Variants in REDIC1 observed in about 807,000 individuals in gnomAD.
REDIC1 encodes the protein HEI10 Interacting Protein 1.
At chr12:39,850,264 T>C in the REDIC1 span, among the ~76,000 whole-genome samples, 1 of 152,192 alleles carries the variant, frequency 6.6e-6, no homozygotes, top group Admixed American at 6.5e-5. Flanking sequence ...AGTTTTTCTA[T>C]TGTATTGATA....
chr12:39,750,590 G>T, the REDIC1 span, among the ~76,000 whole-genome samples: 1 of 152,190 alleles, frequency 6.6e-6, no homozygotes, highest in African/African-American at 2.4e-5. Flanking sequence ...CCAAAAAAGA[G>T]CCCGCATTGC....
At chr12:39,835,182 T>A in the REDIC1 span, among the ~76,000 whole-genome samples, 20 of 152,074 alleles carry the variant, frequency 1.3e-4, no homozygotes, top group Non-Finnish European at 2.8e-4. Context: ...TTTGTCCCCT[T>A]CCACAGTGTG....
the REDIC1 span, among the ~76,000 whole-genome samples, chr12:39,751,184 A>C: frequency 6.6e-6 from 1 of 152,262 alleles, no homozygotes; most frequent in Non-Finnish European, 1.5e-5. Flanking sequence ...GCTAATATCC[A>C]GAATGTACAA....
At chr12:39,721,231 G>A in the REDIC1 span, 527 of 1,612,798 alleles carry the variant, frequency 3.3e-4, no homozygotes, top group African/African-American at 6.2e-3. Flanking sequence ...TGGAGGGCAG[G>A]AAATCCATAA....
the REDIC1 span, among the ~76,000 whole-genome samples, chr12:39,814,641 T>C: frequency 6.6e-6 from 1 of 152,166 alleles, no homozygotes; most frequent in Admixed American, 6.5e-5. Context: ...AGGAAAAACA[T>C]AAATTGCTGT....
At chr12:39,667,851 T>G in the REDIC1 span, among the ~76,000 whole-genome samples, 280 of 152,224 alleles carry the variant, frequency 1.8e-3, no homozygotes, top group African/African-American at 6.0e-3. Context: ...GATCTTTGTT[T>G]GTTCAAAGTC....
the REDIC1 span, among the ~76,000 whole-genome samples, chr12:39,658,152 C>T: frequency 1.3e-5 from 2 of 151,598 alleles, no homozygotes; most frequent in Non-Finnish European, 2.9e-5. Context: ...GTGATGTTGG[C>T]TCACTGCAAC....
At chr12:39,664,607 G>T in the REDIC1 span, among the ~76,000 whole-genome samples, 1 of 152,010 alleles carries the variant, frequency 6.6e-6, no homozygotes, top group Admixed American at 6.6e-5. Context: ...GGGATTGCTG[G>T]GTCAAATGGT....
the REDIC1 span, among the ~76,000 whole-genome samples, chr12:39,726,344 G>C: frequency 6.6e-6 from 1 of 152,008 alleles, no homozygotes; most frequent in African/African-American, 2.4e-5. Flanking sequence ...TCCAGTGTGT[G>C]ATGTTCCCCT....
At chr12:39,896,517 T>C in the REDIC1 span, among the ~76,000 whole-genome samples, 10 of 139,050 alleles carry the variant, frequency 7.2e-5, no homozygotes, top group Non-Finnish European at 1.4e-4. Context: ...TACATGTGTG[T>C]ATACATGTAT....
chr12:39,858,928 G>A, the REDIC1 span, among the ~76,000 whole-genome samples: 284 of 152,238 alleles, frequency 1.9e-3, 3 homozygotes, highest in African/African-American at 6.4e-3. Flanking sequence ...TTCTAAGGTT[G>A]CATAAAAGTT....
chr12:39,792,699 C>A, the REDIC1 span, among the ~76,000 whole-genome samples: 93 of 152,124 alleles, frequency 6.1e-4, no homozygotes, highest in African/African-American at 2.1e-3. Flanking sequence ...GATATAGATA[C>A]CAAAGTATAT....
chr12:39,710,537 C>A, the REDIC1 span, among the ~76,000 whole-genome samples: 3 of 151,716 alleles, frequency 2.0e-5, no homozygotes, highest in Non-Finnish European at 4.4e-5. Context: ...CTAAAATGTA[C>A]CTCCATTAAT....
chr12:39,674,556 A>G, the REDIC1 span, among the ~76,000 whole-genome samples: 1 of 151,998 alleles, frequency 6.6e-6, no homozygotes. Flanking sequence ...GAGACAGCCA[A>G]AAAATTCAGT....
the REDIC1 span, among the ~76,000 whole-genome samples, chr12:39,820,478 G>T: frequency 1.3e-5 from 2 of 152,058 alleles, no homozygotes; most frequent in South Asian, 4.1e-4. Flanking sequence ...AACCCAGATC[G>T]CATGTAGTGG....
At chr12:39,674,727 C>T in the REDIC1 span, among the ~76,000 whole-genome samples, 3 of 152,114 alleles carry the variant, frequency 2.0e-5, no homozygotes, top group Non-Finnish European at 2.9e-5. Context: ...TGGAAGAGCC[C>T]TGTAGACACT....
the REDIC1 span, among the ~76,000 whole-genome samples, chr12:39,653,558 T>TTTTC: frequency 9.1e-5 from 4 of 43,842 alleles, no homozygotes; most frequent in African/African-American, 2.7e-4. Context: ...CTTCTTCTTC[T>TTTTC]TTCTTCTTCT....
the REDIC1 span, among the ~76,000 whole-genome samples, chr12:39,635,723 C>T: frequency 6.6e-6 from 1 of 152,010 alleles, no homozygotes; most frequent in Middle Eastern, 3.2e-3. Context: ...AGGAAACCAA[C>T]ATGGCACGTG....
At chr12:39,765,083 T>C in the REDIC1 span, among the ~76,000 whole-genome samples, 1 of 152,100 alleles carries the variant, frequency 6.6e-6, no homozygotes, top group Non-Finnish European at 1.5e-5. Flanking sequence ...CCGTGTTTTA[T>C]AACCATTTCA....
Sources: gnomAD v4.1 joint callset for allele counts (sites outside exome capture counted in the v4.1 genomes callset) on GRCh38, gnomAD v4.1.1 for gene constraint, MANE v1.5 for transcripts, NCBI Gene and HGNC (gene_info 2026-07-23, HGNC 2026-07-21) for gene names.